Variants in ADAMDEC1 observed in about 807,000 individuals in gnomAD.
The protein encoded by ADAMDEC1 is ADAM DEC1.
ADAMDEC1 carries 62 observed loss-of-function variants against 60.4 expected under a neutral mutation model. The ratio of observed to expected loss-of-function variants is 1.03; its 90% confidence interval spans 0.84 to 1.27. The LOEUF (loss-of-function observed/expected upper bound fraction) is 1.27, where lower values mean the gene tolerates loss of function less well. Ranked by LOEUF, ADAMDEC1 falls within the 50% of genes most tolerant of loss-of-function variation. The pLI is 0.00. For missense variants in ADAMDEC1, 595 were observed against 565.0 expected, an observed-to-expected ratio of 1.05 and a Z score of -0.54; for synonymous variants, 210 against 195.1, an observed-to-expected ratio of 1.08 and a Z score of -0.64.
intron 1 of ADAMDEC1, among the ~76,000 whole-genome samples, chr8:24,385,472 A>G (rs1341671818): frequency 6.6e-6 from 1 of 151,934 alleles, no homozygotes; most frequent in African/African-American, 2.4e-5. Context: ...ATATATACAC[A>G]CAGCTTACTG....
chr8:24,397,870 C>T, intron 7 of ADAMDEC1, 125 bp downstream of exon 7: 1 of 817,026 alleles, frequency 1.2e-6, no homozygotes, highest in Non-Finnish European at 1.9e-6. Flanking sequence ...GGTGTCTTGG[C>T]TGTTTACATG....
At chr8:24,388,465 T>A (rs1817352582) in intron 1 of ADAMDEC1, among the ~76,000 whole-genome samples, 1 of 152,078 alleles carries the variant, frequency 6.6e-6, no homozygotes, top group Non-Finnish European at 1.5e-5. Context: ...ATTCTCATGT[T>A]TTTCCTCTCT....
intron 4 of ADAMDEC1, among the ~76,000 whole-genome samples, chr8:24,395,317 C>G (rs920567185): frequency 6.6e-6 from 1 of 152,196 alleles, no homozygotes; most frequent in Non-Finnish European, 1.5e-5. Flanking sequence ...AAGCCAAATT[C>G]TTGAGCACTG....
At chr8:24,400,064 G>A (rs1342502393) in intron 10 of ADAMDEC1, 106 bp from the exon 11 acceptor site, 2 of 895,794 alleles carry the variant, frequency 2.2e-6, no homozygotes, top group African/African-American at 3.4e-5. Context: ...ACAGGGAAAG[G>A]AGCTAACAAT....
intron 4 of ADAMDEC1, among the ~76,000 whole-genome samples, chr8:24,394,742 A>T (rs938952125): frequency 8.4e-5 from 12 of 143,596 alleles, no homozygotes; most frequent in Admixed American, 6.7e-4. Flanking sequence ...TTCTCTATAT[A>T]AAAAAAAAGA....
At position 24,399,441 on chromosome 8, in the gene ADAMDEC1, C is replaced by T; in HGVS notation, c.978C>T (p.Ser326=). 6.2e-7 allele frequency: 1 copy of T among 1,613,884 alleles called. No homozygotes were observed. Among genetic ancestry groups the T allele is most frequent in the Non-Finnish European group, 8.5e-7 (1 of 1,179,868 alleles). ...NRRVGLAASN[S]LCSPSSVAVI... ...GTGTGGGACTGGCAGCTTCAAATTC[C>T]TTGTGTTCCCCATCTTCGGTTGCTG... Residue 326 remains serine (S), a synonymous_variant, in exon 10 of 14, where the codon TCC becomes TCT. Transcript: ENST00000256412.
At chr8:24,402,769 ACT>A (rs1156485517) in intron 12 of ADAMDEC1, among the ~76,000 whole-genome samples, 2 of 152,182 alleles carry the variant, frequency 1.3e-5, no homozygotes, top group East Asian at 3.9e-4. Context: ...TGGCGTCTAA[ACT>A]CTCTATGCTT....
chr8:24,403,563 G>A (rs2129363068), intron 12 of ADAMDEC1, among the ~76,000 whole-genome samples: 1 of 152,056 alleles, frequency 6.6e-6, no homozygotes, highest in Middle Eastern at 3.4e-3. Context: ...TAACTTTGAA[G>A]GGCACTGATA....
At chr8:24,401,149 G>A (rs1021729377) in intron 11 of ADAMDEC1, among the ~76,000 whole-genome samples, 17 of 152,016 alleles carry the variant, frequency 1.1e-4, no homozygotes, top group African/African-American at 4.1e-4. Flanking sequence ...TTTCCCAAGG[G>A]TTGTGTATCC....
At chr8:24,399,086 T>C in intron 9 of ADAMDEC1, 46 bp downstream of exon 9, 1 of 1,564,962 alleles carries the variant, frequency 6.4e-7, no homozygotes, top group East Asian at 2.3e-5. Flanking sequence ...TGGATAGCTA[T>C]CCCCAGGGTT....
chr8:24,405,378 A>G lies in ADAMDEC1; in HGVS notation c.*80A>G. ...TCTAACTGTCCCAGGAATCTTGTGA[A>G]TTTTCACCCATAATGGTCTTTCACT... On this transcript the variant is annotated 3_prime_UTR_variant, in exon 14 of 14. Coordinates refer to ENST00000256412, the MANE Select transcript of ADAMDEC1 (RefSeq NM_014479.3). 6.7e-7 allele frequency: 1 copy of G among 1,502,654 alleles called. No homozygotes were observed. The highest frequency in any genetic ancestry group is 9.2e-7 in the Non-Finnish European group (1 of 1,086,510). The allele number at this position is 1,502,654 out of a possible 1,614,324, so 93.1% of individuals were successfully genotyped here. A position where few individuals can be genotyped will look rare whatever the true frequency, so the allele number is the denominator to read the frequency against.
chr8:24,400,455 A>G (rs1231633470), intron 11 of ADAMDEC1, among the ~76,000 whole-genome samples, 155 bp downstream of exon 11: 2 of 152,112 alleles, frequency 1.3e-5, no homozygotes. Flanking sequence ...ACTAATCAAC[A>G]GGATAGATTG....
At chr8:24,396,485 T>G (rs144904400) in intron 5 of ADAMDEC1, among the ~76,000 whole-genome samples, 9 of 152,048 alleles carry the variant, frequency 5.9e-5, no homozygotes, top group Non-Finnish European at 1.2e-4. Flanking sequence ...GCACTCTAGC[T>G]TGGGCGACAG....
rs76140263 is a variant in ADAMDEC1 at position 24,399,417 on chromosome 8, T to A, written c.954T>A (p.Arg318=). The A allele has an allele frequency of 6.2e-7, 1 of 1,613,882 alleles. No individual in the cohort carries two copies. The highest frequency in any genetic ancestry group is 8.5e-7 in the Non-Finnish European group (1 of 1,179,910). ...LLSGISFNNR[R]VGLAASNSLC... ...GCGGGATTAGCTTCAACAATCGACG[T>A]GTGGGACTGGCAGCTTCAAATTCCT... Residue 318 remains arginine (R), a synonymous_variant, in exon 10 of 14, where the codon CGT becomes CGA. Transcript: ENST00000256412.
At chr8:24,386,548 A>AC (rs1817298377) in intron 1 of ADAMDEC1, among the ~76,000 whole-genome samples, 1 of 152,152 alleles carries the variant, frequency 6.6e-6, no homozygotes, top group African/African-American at 2.4e-5. Context: ...TTGTCCCTAT[A>AC]TGATCAGCCT....
chr8:24,385,736 AGAG>A (rs1817274840), intron 1 of ADAMDEC1, among the ~76,000 whole-genome samples: 2 of 152,326 alleles, frequency 1.3e-5, no homozygotes, highest in African/African-American at 4.8e-5. Context: ...GATGAAAGAC[AGAG>A]AAGAGTTTAA....
intron 9 of ADAMDEC1, 28 bp downstream of exon 9, chr8:24,399,068 A>G (rs1268866760): frequency 3.8e-6 from 6 of 1,595,526 alleles, no homozygotes; most frequent in South Asian, 1.1e-5. Context: ...AGGTGAATGT[A>G]GGCAGAATGG....
intron 1 of ADAMDEC1, 86 bp downstream of exon 1, chr8:24,384,678 G>A (rs1269680795): frequency 2.4e-6 from 3 of 1,256,760 alleles, no homozygotes; most frequent in South Asian, 2.9e-5. Context: ...AATGGCATAT[G>A]TTTTTATGGT....
intron 4 of ADAMDEC1, among the ~76,000 whole-genome samples, chr8:24,395,329 C>T (rs1031775751): frequency 1.3e-5 from 2 of 152,192 alleles, no homozygotes; most frequent in Non-Finnish European, 2.9e-5. Context: ...TGAGCACTGA[C>T]CCCCAAACCT....
Sources: allele counts gnomAD v4.1 joint callset (sites outside exome capture counted in the v4.1 genomes callset), GRCh38; gene constraint gnomAD v4.1.1; transcripts MANE v1.5; gene names NCBI Gene and HGNC (gene_info 2026-07-23, HGNC 2026-07-21).